Variants in ADAMTS12 observed in about 807,000 individuals in gnomAD.
The protein encoded by ADAMTS12 is ADAM metallopeptidase with thrombospondin type 1 motif 12.
A neutral mutation model predicts 167.8 loss-of-function variants in ADAMTS12; 118 were observed. That is an observed-to-expected ratio of 0.70 (90% CI 0.61 to 0.82). The LOEUF (loss-of-function observed/expected upper bound fraction) is 0.82, where lower values mean the gene tolerates loss of function less well. Among genes scored for constraint, ADAMTS12 ranks in the 40% least tolerant of loss-of-function variants. The pLI is 0.00. For synonymous variants in ADAMTS12, 704 were observed against 716.9 expected, an observed-to-expected ratio of 0.98 and a Z score of 0.29; for missense variants, 1,916 against 1,998.8, an observed-to-expected ratio of 0.96 and a Z score of 0.79.
At chr5:33,749,688 C>T (rs1037539377) in intron 3 of ADAMTS12, among the ~76,000 whole-genome samples, 3 of 152,086 alleles carry the variant, frequency 2.0e-5, no homozygotes, top group Non-Finnish European at 4.4e-5. Flanking sequence ...GTCTTGAGAT[C>T]GGCCTAGAAG....
intron 23 of ADAMTS12, among the ~76,000 whole-genome samples, chr5:33,530,843 A>G (rs1429043172): frequency 6.6e-6 from 1 of 152,204 alleles, no homozygotes; most frequent in Middle Eastern, 3.2e-3. Context: ...AGGCCCCCCA[A>G]AGGTTGTGGG....
At chr5:33,651,558 G>A (rs900581719) in intron 7 of ADAMTS12, among the ~76,000 whole-genome samples, 1 of 151,976 alleles carries the variant, frequency 6.6e-6, no homozygotes, top group Non-Finnish European at 1.5e-5. Flanking sequence ...CGTTGATCTC[G>A]CCAATGTTTC....
intron 2 of ADAMTS12, among the ~76,000 whole-genome samples, chr5:33,775,885 C>A (rs1213928732): frequency 6.6e-6 from 1 of 152,142 alleles, no homozygotes; most frequent in East Asian, 1.9e-4. Flanking sequence ...GGACAGAGCC[C>A]TCGTGAAGGG....
chr5:33,795,461 C>G (rs1397102555), intron 2 of ADAMTS12, among the ~76,000 whole-genome samples: 1 of 152,050 alleles, frequency 6.6e-6, no homozygotes, highest in East Asian at 1.9e-4. Context: ...AGAATCCCTA[C>G]GTCAAATGAA....
intron 2 of ADAMTS12, among the ~76,000 whole-genome samples, chr5:33,762,533 G>C (rs374967732): frequency 2.6e-5 from 4 of 151,362 alleles, no homozygotes; most frequent in African/African-American, 9.8e-5. Context: ...AATAAATAAA[G>C]GAAAGAAAGA....
At chr5:33,588,555 G>A in intron 18 of ADAMTS12, 44 bp downstream of exon 18, 2 of 1,600,310 alleles carry the variant, frequency 1.2e-6, no homozygotes, top group Non-Finnish European at 1.7e-6. Context: ...AGGGGCTGAT[G>A]AAGCTTGAAT....
chr5:33,679,446 T>C (rs892635655), intron 5 of ADAMTS12, among the ~76,000 whole-genome samples: 2 of 151,934 alleles, frequency 1.3e-5, no homozygotes, highest in Non-Finnish European at 2.9e-5. Context: ...CTTCACAAGG[T>C]GGAAGGAAGG....
chr5:33,822,331 C>T (rs1747896930), intron 2 of ADAMTS12, among the ~76,000 whole-genome samples: 1 of 152,114 alleles, frequency 6.6e-6, no homozygotes, highest in East Asian at 1.9e-4. Flanking sequence ...GTATAATTGC[C>T]CACTTGGACA....
At chr5:33,784,430 T>C (rs1284314774) in intron 2 of ADAMTS12, among the ~76,000 whole-genome samples, 2 of 151,954 alleles carry the variant, frequency 1.3e-5, no homozygotes, top group East Asian at 3.8e-4. Context: ...ACAATATAAT[T>C]ATTTATTTAG....
chr5:33,735,661 C>G (rs1417998028), intron 3 of ADAMTS12, among the ~76,000 whole-genome samples: 1 of 152,136 alleles, frequency 6.6e-6, no homozygotes, highest in East Asian at 1.9e-4. Flanking sequence ...TGTTTTCTTG[C>G]TTTTCCTGAG....
At chr5:33,686,890 T>C (rs1194058751) in intron 3 of ADAMTS12, among the ~76,000 whole-genome samples, 1 of 148,758 alleles carries the variant, frequency 6.7e-6, no homozygotes, top group Non-Finnish European at 1.5e-5. Context: ...GCACTGAATA[T>C]ATATACACAT....
intron 19 of ADAMTS12, among the ~76,000 whole-genome samples, chr5:33,571,241 T>C (rs1469098220): frequency 3.9e-5 from 6 of 152,172 alleles, no homozygotes; most frequent in East Asian, 3.9e-4. Flanking sequence ...CTGCACCAAG[T>C]GGACCTAATA....
intron 20 of ADAMTS12, among the ~76,000 whole-genome samples, chr5:33,556,541 AG>A (rs1229412993): frequency 1.3e-5 from 2 of 152,226 alleles, no homozygotes; most frequent in Non-Finnish European, 2.9e-5. Flanking sequence ...TGTGTGACTC[AG>A]CAAGTTTAGA....
intron 2 of ADAMTS12, among the ~76,000 whole-genome samples, chr5:33,835,926 T>C (rs1313926107): frequency 4.0e-5 from 2 of 50,094 alleles, no homozygotes; most frequent in African/African-American, 1.2e-4. Flanking sequence ...TCTCTCTCTC[T>C]CTCTCTCTCT....
At chr5:33,780,259 T>C (rs1175059351) in intron 2 of ADAMTS12, among the ~76,000 whole-genome samples, 1 of 152,218 alleles carries the variant, frequency 6.6e-6, no homozygotes, top group Non-Finnish European at 1.5e-5. Flanking sequence ...TTGAGATTTC[T>C]GTCAGTCAAG....
intron 7 of ADAMTS12, 36 bp from the exon 8 acceptor site, chr5:33,649,733 A>C: frequency 6.2e-7 from 1 of 1,609,398 alleles, no homozygotes; most frequent in Non-Finnish European, 8.5e-7. Context: ...AAGAGCCAGC[A>C]GGCAGGCATT....
intron 2 of ADAMTS12, among the ~76,000 whole-genome samples, chr5:33,781,945 G>T (rs56327650): frequency 0.15 from 22,925 of 150,770 alleles, 2,045 homozygotes; most frequent in East Asian, 0.41. Flanking sequence ...TGCGGTGTTT[G>T]GTTTTTTGTT....
chr5:33,671,283 T>C (rs995653103), intron 5 of ADAMTS12, among the ~76,000 whole-genome samples: 1 of 152,128 alleles, frequency 6.6e-6, no homozygotes, highest in Non-Finnish European at 1.5e-5. Flanking sequence ...AAAAATCGCA[T>C]AGAACTAAAT....
At chr5:33,673,235 T>C (rs1460837096) in intron 5 of ADAMTS12, among the ~76,000 whole-genome samples, 1 of 152,174 alleles carries the variant, frequency 6.6e-6, no homozygotes, top group Non-Finnish European at 1.5e-5. Context: ...TCACTCTCAA[T>C]CAGTCATATT....
Sources: allele counts gnomAD v4.1 joint callset (sites outside exome capture counted in the v4.1 genomes callset), GRCh38; gene constraint gnomAD v4.1.1; transcripts MANE v1.5; gene names NCBI Gene and HGNC (gene_info 2026-07-23, HGNC 2026-07-21).